The following KCTD16 variants were observed in gnomAD, a reference collection of about 807,000 sequenced individuals.
The protein encoded by KCTD16 is BTB/POZ domain-containing protein KCTD16.
A neutral mutation model predicts 33.2 loss-of-function variants in KCTD16; 13 were observed. That is an observed-to-expected ratio of 0.39 (90% CI 0.25 to 0.62). The LOEUF (loss-of-function observed/expected upper bound fraction) is 0.62. Ranked by LOEUF, KCTD16 falls within the 20% of genes least tolerant of loss-of-function variation. The pLI is 0.50. For synonymous variants in KCTD16, 197 were observed against 195.3 expected (o/e 1.01, Z -0.07); for missense variants, 441 against 525.1 (o/e 0.84, Z 1.57).
rs769825888 is a variant in KCTD16 at position 144,207,440 on chromosome 5, G to A, written c.726G>A (p.Glu242=). ...HLERAFDMLS[E]CGFHMVACNS... Reference sequence around the variant, plus strand: ...AAAGGGCTTTTGATATGTTGTCAGAGTGTGGATTCCACATGGTGGCCTGTA... The same window carrying A: ...AAAGGGCTTTTGATATGTTGTCAGAATGTGGATTCCACATGGTGGCCTGTA... The change falls in exon 3 of 4, where the codon GAG becomes GAA. Residue 242 remains glutamate (E), a synonymous_variant. Transcript: ENST00000512467. 1.9e-6 allele frequency: 3 copies of A among 1,614,238 alleles called. No homozygotes were observed. The highest frequency in any genetic ancestry group is 1.1e-5 in the South Asian group (1 of 91,088).
chr5:144,444,822 T>C (rs1333799764), intron 3 of KCTD16, among the ~76,000 whole-genome samples: 1 of 151,106 alleles, frequency 6.6e-6, no homozygotes, highest in African/African-American at 2.4e-5. Flanking sequence ...ATCTCCATAG[T>C]ATGCTCTTTC....
intron 3 of KCTD16, among the ~76,000 whole-genome samples, chr5:144,257,966 G>A (rs11743082): frequency 0.21 from 32,562 of 151,984 alleles, 3,954 homozygotes; most frequent in Non-Finnish European, 0.28. Context: ...TTTCTCCCTG[G>A]ACAATATGTA....
chr5:144,346,303 T>C (rs1752799494), intron 3 of KCTD16, among the ~76,000 whole-genome samples: 1 of 152,210 alleles, frequency 6.6e-6, no homozygotes, highest in Non-Finnish European at 1.5e-5. Context: ...TTGAAAGCAG[T>C]GCTGTAACAA....
At chr5:144,396,529 A>G (rs1752570709) in intron 3 of KCTD16, among the ~76,000 whole-genome samples, 1 of 152,156 alleles carries the variant, frequency 6.6e-6, no homozygotes, top group Admixed American at 6.5e-5. Context: ...CTATTGGTGG[A>G]CTAAATTAAA....
At chr5:144,448,127 T>A (rs1184379246) in intron 3 of KCTD16, among the ~76,000 whole-genome samples, 1 of 150,950 alleles carries the variant, frequency 6.6e-6, no homozygotes, top group Non-Finnish European at 1.5e-5. Context: ...TTACCAAAAT[T>A]CACTATCCCA....
intron 3 of KCTD16, among the ~76,000 whole-genome samples, chr5:144,327,041 T>G (rs1195007352): frequency 6.6e-6 from 1 of 152,144 alleles, no homozygotes; most frequent in Non-Finnish European, 1.5e-5. Flanking sequence ...AACGATCCAT[T>G]TGGAACTTAT....
intron 3 of KCTD16, among the ~76,000 whole-genome samples, chr5:144,302,648 G>A (rs10052570): frequency 2.0e-5 from 3 of 152,152 alleles, no homozygotes; most frequent in East Asian, 1.9e-4. Context: ...ATTATCGTAC[G>A]TCAAATACAG....
At chr5:144,345,157 A>G (rs564492805) in intron 3 of KCTD16, among the ~76,000 whole-genome samples, 1 of 143,620 alleles carries the variant, frequency 7.0e-6, no homozygotes, top group African/African-American at 2.5e-5. Context: ...TTGAACAATG[A>G]GAACACATGG....
At chr5:144,432,853 TAC>T (rs1204302235) in intron 3 of KCTD16, among the ~76,000 whole-genome samples, 8 of 152,100 alleles carry the variant, frequency 5.3e-5, no homozygotes, top group South Asian at 4.1e-4. Context: ...TATGTATGCA[TAC>T]ACACACACAA....
chr5:144,285,956 C>G (rs914959080), intron 3 of KCTD16, among the ~76,000 whole-genome samples: 7 of 145,500 alleles, frequency 4.8e-5, no homozygotes, highest in Non-Finnish European at 1.1e-4. Flanking sequence ...TGGCTGCCAT[C>G]CTAATCTTTT....
At chr5:144,201,532 G>T (rs1458969779) in intron 2 of KCTD16, among the ~76,000 whole-genome samples, 1 of 152,168 alleles carries the variant, frequency 6.6e-6, no homozygotes, top group Non-Finnish European at 1.5e-5. Flanking sequence ...GAACACTAAT[G>T]ACATTTATTA....
At chr5:144,413,424 T>C (rs1362583961) in intron 3 of KCTD16, among the ~76,000 whole-genome samples, 2 of 152,250 alleles carry the variant, frequency 1.3e-5, no homozygotes, top group African/African-American at 4.8e-5. Context: ...TACAGGTTTA[T>C]ACAAGATTTT....
At chr5:144,440,913 C>G (rs1460154723) in intron 3 of KCTD16, among the ~76,000 whole-genome samples, 1 of 147,526 alleles carries the variant, frequency 6.8e-6, no homozygotes, top group Admixed American at 6.8e-5. Context: ...CAACAGTCCC[C>G]GGTGTGTGAT....
chr5:144,321,131 AG>A (rs1240771900), intron 3 of KCTD16, among the ~76,000 whole-genome samples: 1 of 152,198 alleles, frequency 6.6e-6, no homozygotes, highest in African/African-American at 2.4e-5. Flanking sequence ...TTGGGATTAC[AG>A]GCATGAGCCA....
chr5:144,259,884 G>A (rs2126838232), intron 3 of KCTD16, among the ~76,000 whole-genome samples: 1 of 152,300 alleles, frequency 6.6e-6, no homozygotes, highest in Middle Eastern at 3.4e-3. Context: ...TCTCTGTTTA[G>A]GATGCCTTGC....
chr5:144,220,956 G>A (rs80202113), intron 3 of KCTD16, among the ~76,000 whole-genome samples: 5 of 146,742 alleles, frequency 3.4e-5, no homozygotes, highest in Admixed American at 1.3e-4. Flanking sequence ...AAAAAAAGAA[G>A]AAGAAATGAG....
chr5:144,195,722 T>C (rs1332287147), intron 2 of KCTD16, among the ~76,000 whole-genome samples: 1 of 152,226 alleles, frequency 6.6e-6, no homozygotes, highest in Non-Finnish European at 1.5e-5. Flanking sequence ...CTGGAACAGC[T>C]CTAAATGAAT....
At chr5:144,444,210 CT>C (rs112756621) in intron 3 of KCTD16, among the ~76,000 whole-genome samples, 6,453 of 150,480 alleles carry the variant, frequency 0.043, 455 homozygotes, top group African/African-American at 0.15. Flanking sequence ...CCCCTCCCCC[CT>C]CCACACACAA....
At chr5:144,402,431 G>A (rs549166054) in intron 3 of KCTD16, among the ~76,000 whole-genome samples, 150 of 152,248 alleles carry the variant, frequency 9.9e-4, no homozygotes, top group South Asian at 1.9e-3. Context: ...GAGTGAGGTC[G>A]TCTACCTCAC....
Sources: allele counts gnomAD v4.1 joint callset (sites outside exome capture counted in the v4.1 genomes callset), GRCh38; gene constraint gnomAD v4.1.1; transcripts MANE v1.5; gene names NCBI Gene and HGNC (gene_info 2026-07-23, HGNC 2026-07-21).